The following SLC25A36 variants were observed in gnomAD, a reference collection of about 807,000 sequenced individuals.
SLC25A36 encodes the protein epididymis secretory sperm binding protein.
SLC25A36 carries 24 observed loss-of-function variants against 35.3 expected under a neutral mutation model. The ratio of observed to expected loss-of-function variants is 0.68; its 90% CI spans 0.49 to 0.96. The LOEUF is 0.96. SLC25A36 is among the 40% of genes least tolerant of loss of function. The pLI, the probability that SLC25A36 is intolerant of heterozygous loss-of-function variation, is 0.00. For synonymous variants in SLC25A36, 141 were observed against 132.2 expected (o/e 1.07, Z -0.46); for missense variants, 294 against 381.1 (o/e 0.77, Z 1.90).
At chr3:140,958,001 T>A (rs980651984) in intron 2 of SLC25A36, among the ~76,000 whole-genome samples, 17 of 152,160 alleles carry the variant, frequency 1.1e-4, no homozygotes, top group Admixed American at 9.2e-4. Context: ...TATATTAATT[T>A]ACTTAGTCCT....
chr3:140,971,923 C>T (rs1934914341), intron 5 of SLC25A36, among the ~76,000 whole-genome samples: 1 of 152,150 alleles, frequency 6.6e-6, no homozygotes, highest in African/African-American at 2.4e-5. Flanking sequence ...TCTAATAAAT[C>T]ATTAACAATT....
intron 1 of SLC25A36, among the ~76,000 whole-genome samples, chr3:140,951,182 G>A (rs1230110588): frequency 1.3e-5 from 2 of 152,032 alleles, no homozygotes; most frequent in Admixed American, 6.6e-5. Context: ...TGCAGCTGCC[G>A]ATTTCTCTGG....
chr3:140,942,367 G>C (rs1053967485), intron 1 of SLC25A36: 112 of 341,024 alleles, frequency 3.3e-4, no homozygotes, highest in Non-Finnish European at 5.8e-4. Context: ...TGAAACCCGG[G>C]CCGGGAGTGA....
intron 1 of SLC25A36, among the ~76,000 whole-genome samples, chr3:140,951,630 TGCACCACCACGCCTG>T (rs1934326042): frequency 6.6e-6 from 1 of 151,930 alleles, no homozygotes; most frequent in African/African-American, 2.4e-5. Context: ...ATTACAGGCG[TGCACCACCACGCCTG>T]GCTAATTTTG....
intron 1 of SLC25A36, among the ~76,000 whole-genome samples, chr3:140,950,836 A>G (rs190659785): frequency 6.6e-6 from 1 of 151,942 alleles, no homozygotes; most frequent in East Asian, 1.9e-4. Context: ...TTGAGTTTGT[A>G]TTCTTCAGAG....
chr3:140,967,224 A>T (rs1278304178), intron 4 of SLC25A36, among the ~76,000 whole-genome samples: 1 of 151,936 alleles, frequency 6.6e-6, no homozygotes, highest in Non-Finnish European at 1.5e-5. Flanking sequence ...TTCAGTCATC[A>T]TGTAATAAAA....
chr3:140,968,016 C>T (rs1411774244), intron 4 of SLC25A36: 1 of 984,830 alleles, frequency 1.0e-6, no homozygotes, highest in Admixed American at 6.2e-5. Flanking sequence ...GCACCATTCC[C>T]AGTATCTTTG....
At position 140,941,907 on chromosome 3, in the gene SLC25A36, G is replaced by C. The variant is rs971143887; in HGVS notation, c.-148G>C. 4 of 538,586 alleles carry C rather than the reference G, an allele frequency of 7.4e-6. No homozygotes were observed. The South Asian group carries it at 1.0e-4, about 14-fold the overall frequency. 33.4% of individuals were successfully genotyped at this position (538,586 alleles called of 1,614,324 possible). ...GGAGTGCCGCGGGGAGGGCTGTGCCGGTTGCTTTCTGCAGCCGCATCTCGG... is the reference window on the plus strand; with the variant it reads ...GGAGTGCCGCGGGGAGGGCTGTGCCCGTTGCTTTCTGCAGCCGCATCTCGG... On this transcript the variant is annotated 5_prime_UTR_variant, in exon 1 of 7. Transcript: ENST00000324194.
intron 4 of SLC25A36, chr3:140,966,821 G>T (rs1934772101): frequency 7.6e-6 from 3 of 393,072 alleles, no homozygotes; most frequent in South Asian, 1.8e-5. Flanking sequence ...AAAAAAGTTA[G>T]ATCTCACAGT....
Position 140,950,461 on chromosome 3 carries a change from T to C in SLC25A36, c.42-6066T>C, listed in dbSNP as rs1934289300. ...TTTCAGGTCTGCCATTTCACTATCA[T>C]CTTGGGACTTCTGTCTTGGGTTATT... On this transcript the variant is annotated intron_variant, in intron 1 of 6. Transcript: ENST00000324194. Among the ~76,000 whole-genome samples, 3 of 152,184 alleles carry C rather than the reference T, an allele frequency of 2.0e-5. No homozygotes were observed. In the South Asian group the frequency reaches 6.2e-4, roughly 32 times the overall value.
chr3:140,962,632 C>G (rs1310352459), intron 3 of SLC25A36, among the ~76,000 whole-genome samples: 2 of 151,322 alleles, frequency 1.3e-5, no homozygotes, highest in African/African-American at 4.9e-5. Context: ...GCTTCACCCT[C>G]TTCTCCCCAT....
chr3:140,976,547 T>C lies in SLC25A36; in HGVS notation c.*94T>C. 2 of 1,087,894 alleles carry C rather than the reference T, an allele frequency of 1.8e-6. No homozygotes were observed. Among genetic ancestry groups the C allele is most frequent in the Non-Finnish European group, 2.5e-6 (2 of 785,546 alleles). The allele number at this position is 1,087,894 out of a possible 1,614,324, so 67.4% of individuals were successfully genotyped here. ...GCCAGCATGGCAGACAGAAGAAAAA[T>C]AGTTTGGGAACATGTAACTATTCTA... On this transcript the variant is annotated 3_prime_UTR_variant, in exon 7 of 7. Coordinates refer to ENST00000324194, the MANE Select transcript of SLC25A36 (RefSeq NM_001104647.3).
intron 3 of SLC25A36, among the ~76,000 whole-genome samples, chr3:140,961,737 TC>T (rs1934631811): frequency 6.6e-6 from 1 of 151,330 alleles, no homozygotes. Flanking sequence ...TCGCCTGTAG[TC>T]CCAGCTGCTC....
intron 3 of SLC25A36, among the ~76,000 whole-genome samples, chr3:140,961,357 A>G (rs1413564835): frequency 1.3e-5 from 2 of 152,122 alleles, no homozygotes; most frequent in East Asian, 3.8e-4. Flanking sequence ...ATGTGGGGTG[A>G]TTTTTTTAAA....
intron 1 of SLC25A36, among the ~76,000 whole-genome samples, chr3:140,950,073 CTT>C (rs1368727547): frequency 2.0e-5 from 3 of 152,100 alleles, no homozygotes; most frequent in Non-Finnish European, 4.4e-5. Context: ...GTACCACTCT[CTT>C]GTTTCCTTTT....
Position 140,941,930 on chromosome 3 carries a change from C to G in SLC25A36, c.-125C>G. Reference sequence around the variant, plus strand: ...CCGGTTGCTTTCTGCAGCCGCATCTCGGCCAGCTCTCCTCGCCGTCCCCGG... The same window carrying G: ...CCGGTTGCTTTCTGCAGCCGCATCTGGGCCAGCTCTCCTCGCCGTCCCCGG... On this transcript the variant is annotated 5_prime_UTR_variant, in exon 1 of 7. Coordinates refer to ENST00000324194, the MANE Select transcript of SLC25A36 (RefSeq NM_001104647.3). The G allele has an allele frequency of 3.4e-6, 2 of 591,942 alleles. No individual in the cohort carries two copies. The highest frequency in any genetic ancestry group is 4.5e-5 in the South Asian group (2 of 44,162). The allele number at this position is 591,942 out of a possible 1,614,324, so 36.7% of individuals were successfully genotyped here. A position where few individuals can be genotyped will look rare whatever the true frequency, so the allele number is the denominator to read the frequency against.
At chr3:140,953,382 G>A (rs1395064278) in intron 1 of SLC25A36, among the ~76,000 whole-genome samples, 1 of 142,942 alleles carries the variant, frequency 7.0e-6, no homozygotes, top group Non-Finnish European at 1.5e-5. Flanking sequence ...TATAATTGTG[G>A]TTTCGACATT....
rs923583288 is a variant in SLC25A36 at position 140,980,296 on chromosome 3, A to G, written c.*3843A>G. ...TGTTAGAATAACCAAATGAATCCAC[A>G]TAATGTTAGATCAAAATACAAATGA... is the stretch of plus-strand genomic sequence containing the variant. On this transcript the variant is annotated 3_prime_UTR_variant, in exon 7 of 7. Coordinates refer to ENST00000324194, the MANE Select transcript of SLC25A36 (RefSeq NM_001104647.3). Among the ~76,000 whole-genome samples, 2 of 152,250 alleles carry G rather than the reference A, an allele frequency of 1.3e-5. No individual in the cohort carries two copies. Among genetic ancestry groups the G allele is most frequent in the South Asian group, 2.1e-4 (1 of 4,830 alleles).
intron 3 of SLC25A36, among the ~76,000 whole-genome samples, chr3:140,961,708 T>A (rs1278529337): frequency 2.0e-5 from 3 of 151,610 alleles, no homozygotes; most frequent in African/African-American, 7.3e-5. Flanking sequence ...ATAAAAAAAT[T>A]AGCCGGGTGT....
Sources: gnomAD v4.1 joint callset for allele counts (sites outside exome capture counted in the v4.1 genomes callset) on GRCh38, gnomAD v4.1.1 for gene constraint, MANE v1.5 for transcripts, NCBI Gene and HGNC (gene_info 2026-07-23, HGNC 2026-07-21) for gene names.